The following LRCH1 variants were observed in gnomAD, a reference collection of about 807,000 sequenced individuals.
LRCH1 encodes the protein leucine rich repeats and calponin homology domain containing 1.
LRCH1 carries 23 observed loss-of-function variants against 94.9 expected under a neutral mutation model. The observed-to-expected ratio is 0.24, with a 90% CI of 0.17 to 0.34. The LOEUF (loss-of-function observed/expected upper bound fraction) is 0.34. Ranked by LOEUF, LRCH1 falls within the 10% of genes least tolerant of loss-of-function variation. The probability of loss-of-function intolerance (pLI) is 1.00; values close to 1 mark genes in which losing one functional copy is unlikely to be tolerated. For synonymous variants in LRCH1, 364 were observed against 354.9 expected, an observed-to-expected ratio of 1.03 and a Z score of -0.29; for missense variants, 790 against 945.9, an observed-to-expected ratio of 0.84 and a Z score of 2.16.
intron 19 of LRCH1, among the ~76,000 whole-genome samples, chr13:46,737,164 C>T (rs945936589): frequency 5.3e-5 from 8 of 152,162 alleles, no homozygotes; most frequent in Admixed American, 4.6e-4. Context: ...CTCTAATATC[C>T]AGGAAACATG....
At chr13:46,621,131 TACTC>T (rs1221716854) in intron 1 of LRCH1, among the ~76,000 whole-genome samples, 3 of 152,242 alleles carry the variant, frequency 2.0e-5, no homozygotes, top group Non-Finnish European at 4.4e-5. Context: ...ATCTTTCTCT[TACTC>T]TCTAACATGC....
intron 19 of LRCH1, among the ~76,000 whole-genome samples, chr13:46,735,790 T>C (rs1455707582): frequency 1.6e-4 from 4 of 25,322 alleles, no homozygotes; most frequent in Admixed American, 5.8e-4. Context: ...TTCTTTTTCT[T>C]TTCTTTTTTT....
chr13:46,681,618 A>G lies in LRCH1; in HGVS notation c.580-123A>G, dbSNP rs2051751641. ...GAGTCTTAATGCTAGGGACCTGGAGATGAATATAAAAGTGTACCTGTGTAG... is the reference window on the plus strand; with the variant it reads ...GAGTCTTAATGCTAGGGACCTGGAGGTGAATATAAAAGTGTACCTGTGTAG... On this transcript the variant is annotated intron_variant, in intron 3 of 19. Coordinates refer to ENST00000389797, the MANE Select transcript of LRCH1 (RefSeq NM_001164211.2). The G allele has an allele frequency of 2.3e-5, 16 of 709,492 alleles. No homozygotes were observed. In the South Asian group the frequency reaches 2.5e-4, roughly 11 times the overall value. The allele number at this position is 709,492 out of a possible 1,614,324, so 43.9% of individuals were successfully genotyped here.
intron 1 of LRCH1, among the ~76,000 whole-genome samples, chr13:46,557,183 G>A (rs1049375909): frequency 1.3e-5 from 2 of 148,808 alleles, no homozygotes; most frequent in Non-Finnish European, 3.0e-5. Context: ...TTTTTTTTTG[G>A]TGCTGATTTA....
intron 19 of LRCH1, 42 bp from the exon 20 acceptor site, chr13:46,741,600 A>G (rs1457545957): frequency 1.9e-6 from 3 of 1,612,430 alleles, no homozygotes; most frequent in African/African-American, 1.3e-5. Flanking sequence ...TTTTAATTGT[A>G]TGCACTGTCT....
chr13:46,619,747 TGTG>T (rs2050859214), intron 1 of LRCH1, among the ~76,000 whole-genome samples: 1 of 152,158 alleles, frequency 6.6e-6, no homozygotes, highest in African/African-American at 2.4e-5. Context: ...TTTTTGCTGT[TGTG>T]GTGGTTGTTG....
chr13:46,744,319 G>A lies in LRCH1; in HGVS notation c.*2471G>A. ...CGTTTTTTCAGTACTCCCTTCCAAT[G>A]TTAGATAAAAGGAGCCAAGTATCTA... On this transcript the variant is annotated 3_prime_UTR_variant, in exon 20 of 20. Coordinates refer to ENST00000389797, the MANE Select transcript of LRCH1 (RefSeq NM_001164211.2). 1 of 985,362 alleles carries A rather than the reference G, an allele frequency of 1.0e-6. No individual in the cohort carries two copies. The highest frequency in any genetic ancestry group is 1.1e-4 in the East Asian group (1 of 8,824). 61.0% of individuals were successfully genotyped at this position (985,362 alleles called of 1,614,324 possible).
intron 1 of LRCH1, among the ~76,000 whole-genome samples, chr13:46,619,674 A>C (rs1385760569): frequency 1.3e-5 from 2 of 152,166 alleles, no homozygotes; most frequent in African/African-American, 4.8e-5. Flanking sequence ...TGAAATCAGA[A>C]GGGAAGGTGG....
intron 1 of LRCH1, among the ~76,000 whole-genome samples, chr13:46,632,486 G>T (rs896435573): frequency 2.6e-5 from 4 of 152,168 alleles, no homozygotes. Flanking sequence ...ACTTTAGCAT[G>T]AGACTAATAT....
intron 1 of LRCH1, among the ~76,000 whole-genome samples, chr13:46,628,660 G>A (rs1345397958): frequency 7.6e-5 from 9 of 118,028 alleles, no homozygotes; most frequent in South Asian, 5.8e-4. Context: ...CTGTCTCAGG[G>A]AAGAAAAAAA....
At position 46,743,506 on chromosome 13, in the gene LRCH1, T is replaced by G. The variant is rs1346611066; in HGVS notation, c.*1658T>G. On this transcript the variant is annotated 3_prime_UTR_variant, in exon 20 of 20. Transcript: ENST00000389797. Reference sequence around the variant, plus strand: ...TTACTTTTGGTGCTATCTTGTACTCTTCAATCTGTAACACAATAAAATCCC... The same window carrying G: ...TTACTTTTGGTGCTATCTTGTACTCGTCAATCTGTAACACAATAAAATCCC... 5 of 985,734 alleles carry G rather than the reference T, an allele frequency of 5.1e-6. No homozygotes were observed. Among genetic ancestry groups the G allele is most frequent in the Non-Finnish European group, 6.0e-6 (5 of 829,922 alleles). The allele number at this position is 985,734 out of a possible 1,614,324, so 61.1% of individuals were successfully genotyped here. A position where few individuals can be genotyped will look rare whatever the true frequency, so the allele number is the denominator to read the frequency against.
chr13:46,699,489 G>T, intron 10 of LRCH1, 86 bp downstream of exon 10: 1 of 1,208,486 alleles, frequency 8.3e-7, no homozygotes, highest in South Asian at 1.2e-5. Flanking sequence ...ATAGAATTTT[G>T]ACCTGCTTTT....
chr13:46,622,338 T>C (rs11838424), intron 1 of LRCH1, among the ~76,000 whole-genome samples: 7,172 of 152,216 alleles, frequency 0.047, 564 homozygotes, highest in African/African-American at 0.16. Context: ...CAATCTATCG[T>C]TGTTCAGTCT....
intron 18 of LRCH1, among the ~76,000 whole-genome samples, chr13:46,732,083 A>G (rs1434909503): frequency 1.3e-5 from 2 of 152,212 alleles, no homozygotes; most frequent in African/African-American, 4.8e-5. Flanking sequence ...CAAGTTTAGT[A>G]TCTGACCCAT....
intron 1 of LRCH1, among the ~76,000 whole-genome samples, chr13:46,601,663 A>G (rs1417833848): frequency 1.3e-5 from 2 of 152,202 alleles, no homozygotes; most frequent in Non-Finnish European, 1.5e-5. Flanking sequence ...AATAAGACTA[A>G]TTATATTTCC....
intron 13 of LRCH1, among the ~76,000 whole-genome samples, chr13:46,706,056 C>T (rs150581681): frequency 6.6e-6 from 1 of 152,150 alleles, no homozygotes; most frequent in Non-Finnish European, 1.5e-5. Context: ...TGCACATGTA[C>T]TATAGTAAAG....
At chr13:46,579,192 A>G (rs1366889316) in intron 1 of LRCH1, among the ~76,000 whole-genome samples, 1 of 152,160 alleles carries the variant, frequency 6.6e-6, no homozygotes, top group African/African-American at 2.4e-5. Context: ...GTGCCCTTAT[A>G]TGCTTGACTG....
At chr13:46,609,077 C>T (rs1292701625) in intron 1 of LRCH1, among the ~76,000 whole-genome samples, 1 of 152,206 alleles carries the variant, frequency 6.6e-6, no homozygotes, top group Non-Finnish European at 1.5e-5. Flanking sequence ...CACAAAGGCT[C>T]GCTGACTTCA....
In LRCH1 at chr13:46,712,420, A is replaced by T. The variant is rs559113736; in HGVS notation, c.1582-105A>T. On this transcript the variant is annotated intron_variant, in intron 14 of 19. Transcript: ENST00000389797. ...ACTTCATCACACAGCAGCGAATGCAAAAAGGGAGTAGTTTTGTTACAATCC... is the reference window on the plus strand; with the variant it reads ...ACTTCATCACACAGCAGCGAATGCATAAAGGGAGTAGTTTTGTTACAATCC... 144 of 862,954 alleles carry T rather than the reference A, an allele frequency of 1.7e-4. 5 individuals carry two copies. In the South Asian group the frequency reaches 2.3e-3, roughly 14 times the overall value. The allele number at this position is 862,954 out of a possible 1,614,324, so 53.5% of individuals were successfully genotyped here.
Sources: gnomAD v4.1 joint callset for allele counts (sites outside exome capture counted in the v4.1 genomes callset) on GRCh38, gnomAD v4.1.1 for gene constraint, MANE v1.5 for transcripts, NCBI Gene and HGNC (gene_info 2026-07-23, HGNC 2026-07-21) for gene names.